Variants in GALNTL6 observed in about 807,000 individuals in gnomAD.
GALNTL6 encodes polypeptide N-acetylgalactosaminyltransferase-like 6.
A neutral mutation model predicts 73.7 loss-of-function variants in GALNTL6; 46 were observed. The observed-to-expected ratio is 0.62, with a 90% confidence interval of 0.49 to 0.80. The LOEUF is 0.80. Among genes scored for constraint, GALNTL6 ranks in the 30% least tolerant of loss-of-function variants. The probability of loss-of-function intolerance (pLI) is 0.00; values close to 1 mark genes in which losing one functional copy is unlikely to be tolerated. For missense variants in GALNTL6, 604 were observed against 755.0 expected (o/e 0.80, Z 2.34); for synonymous variants, 259 against 263.7 (o/e 0.98, Z 0.17).
intron 5 of GALNTL6, among the ~76,000 whole-genome samples, chr4:172,593,994 T>G (rs1171059106): frequency 5.3e-5 from 8 of 152,156 alleles, no homozygotes; most frequent in African/African-American, 1.9e-4. Context: ...CACCAAACAG[T>G]ATATTATGGA....
intron 2 of GALNTL6, among the ~76,000 whole-genome samples, chr4:172,046,137 A>G (rs1268739794): frequency 6.6e-6 from 1 of 152,060 alleles, no homozygotes; most frequent in African/African-American, 2.4e-5. Context: ...GTTGATTTCA[A>G]TCAATTGAAT....
rs190445846 is a variant in GALNTL6, at chr4:172,214,369, C to T, written c.139-15287C>T. 3.8e-4 allele frequency among the ~76,000 whole-genome samples: 57 copies of T among 151,936 alleles called. No homozygotes were observed. The East Asian group carries it at 0.01, about 28-fold the overall frequency. The stretch of plus-strand genomic sequence containing the variant: ...TTTAGGTAGGATTCCATAGTCTTCT[C>T]TATTTTTTTTTCTTGGATAGGCTCA... On this transcript the variant is annotated intron_variant, in intron 2 of 12. Transcript: ENST00000506823.
At chr4:172,626,497 T>G (rs1739177157) in intron 5 of GALNTL6, among the ~76,000 whole-genome samples, 1 of 152,126 alleles carries the variant, frequency 6.6e-6, no homozygotes, top group Middle Eastern at 3.2e-3. Context: ...CTTCAGGTCT[T>G]TTTTTGGTGC....
intron 2 of GALNTL6, among the ~76,000 whole-genome samples, chr4:172,078,654 C>T (rs1238387092): frequency 6.6e-6 from 1 of 152,030 alleles, no homozygotes; most frequent in Non-Finnish European, 1.5e-5. Flanking sequence ...CTTGAAAAGC[C>T]TGATATGTAG....
At chr4:172,583,158 A>G (rs1415987346) in intron 5 of GALNTL6, among the ~76,000 whole-genome samples, 1 of 152,046 alleles carries the variant, frequency 6.6e-6, no homozygotes, top group African/African-American at 2.4e-5. Context: ...ACACAAACAC[A>G]CTCACACACA....
intron 5 of GALNTL6, among the ~76,000 whole-genome samples, chr4:172,468,062 A>G (rs1170454411): frequency 6.6e-6 from 1 of 151,262 alleles, no homozygotes; most frequent in Non-Finnish European, 1.5e-5. Context: ...CCTGCTATTT[A>G]TCTACTTTTT....
At chr4:172,350,479 A>G (rs1057283611) in intron 5 of GALNTL6, among the ~76,000 whole-genome samples, 1 of 152,128 alleles carries the variant, frequency 6.6e-6, no homozygotes, top group Non-Finnish European at 1.5e-5. Context: ...TGTCAATGTA[A>G]TTAGTGTTAG....
At chr4:171,989,773 A>G (rs1000639216) in intron 2 of GALNTL6, among the ~76,000 whole-genome samples, 1 of 152,176 alleles carries the variant, frequency 6.6e-6, no homozygotes, top group Non-Finnish European at 1.5e-5. Flanking sequence ...ATGTATATTG[A>G]GAATAAGACG....
chr4:172,090,297 A>G (rs568466385), intron 2 of GALNTL6, among the ~76,000 whole-genome samples: 1 of 152,290 alleles, frequency 6.6e-6, no homozygotes, highest in African/African-American at 2.4e-5. Flanking sequence ...CAATGGTTGA[A>G]CTAATTTACA....
intron 5 of GALNTL6, among the ~76,000 whole-genome samples, chr4:172,623,493 T>G (rs1486795071): frequency 6.6e-6 from 1 of 152,064 alleles, no homozygotes; most frequent in Non-Finnish European, 1.5e-5. Context: ...AAGGACCATG[T>G]TTTTATTAAA....
intron 2 of GALNTL6, among the ~76,000 whole-genome samples, chr4:171,981,885 A>G (rs1486629811): frequency 6.6e-6 from 1 of 151,944 alleles, no homozygotes; most frequent in Non-Finnish European, 1.5e-5. Flanking sequence ...AATGAAAAAT[A>G]CAAAGAAAAA....
chr4:172,237,270 GGTTC>G (rs1737274915), intron 3 of GALNTL6, among the ~76,000 whole-genome samples: 1 of 152,082 alleles, frequency 6.6e-6, no homozygotes, highest in Non-Finnish European at 1.5e-5. Context: ...TTCAGTTTTA[GGTTC>G]TTTGGGTAAT....
At chr4:171,883,916 G>C (rs1736533766) in intron 2 of GALNTL6, among the ~76,000 whole-genome samples, 1 of 151,848 alleles carries the variant, frequency 6.6e-6, no homozygotes, top group Non-Finnish European at 1.5e-5. Flanking sequence ...CAAAGTGCTG[G>C]GATTACAGGC....
intron 2 of GALNTL6, among the ~76,000 whole-genome samples, chr4:172,147,663 A>G (rs1488863835): frequency 6.6e-6 from 1 of 152,206 alleles, no homozygotes; most frequent in Non-Finnish European, 1.5e-5. Context: ...ACGAAAAGAA[A>G]CATTCCCAGC....
chr4:172,059,685 T>G (rs955536440), intron 2 of GALNTL6, among the ~76,000 whole-genome samples: 4 of 152,180 alleles, frequency 2.6e-5, no homozygotes, highest in Non-Finnish European at 5.9e-5. Context: ...TGTGAATTGG[T>G]TAAAAATGTC....
intron 2 of GALNTL6, among the ~76,000 whole-genome samples, chr4:171,837,215 CA>C (rs1207258217): frequency 6.6e-6 from 1 of 152,006 alleles, no homozygotes; most frequent in Non-Finnish European, 1.5e-5. Flanking sequence ...CAGACATGCC[CA>C]AATTTATGCA....
intron 5 of GALNTL6, among the ~76,000 whole-genome samples, chr4:172,473,835 C>G (rs917377185): frequency 5.3e-5 from 8 of 152,170 alleles, no homozygotes; most frequent in Non-Finnish European, 8.8e-5. Context: ...TATCTCCATT[C>G]TCAAATCCTC....
At chr4:172,562,160 G>A (rs1001151515) in intron 5 of GALNTL6, among the ~76,000 whole-genome samples, 1 of 152,052 alleles carries the variant, frequency 6.6e-6, no homozygotes, top group African/African-American at 2.4e-5. Flanking sequence ...CTCTCCTCTG[G>A]TGTTCTAACA....
At chr4:171,905,657 C>T (rs1254466185) in intron 2 of GALNTL6, among the ~76,000 whole-genome samples, 1 of 150,344 alleles carries the variant, frequency 6.7e-6, no homozygotes, top group Non-Finnish European at 1.5e-5. Context: ...TAGACATCTA[C>T]AGAACTCTCC....
Sources: gnomAD v4.1 joint callset for allele counts (sites outside exome capture counted in the v4.1 genomes callset) on GRCh38, gnomAD v4.1.1 for gene constraint, MANE v1.5 for transcripts, NCBI Gene and HGNC (gene_info 2026-07-23, HGNC 2026-07-21) for gene names.